ADCY9: variants seen among roughly 807,000 people sequenced by gnomAD.
ADCY9 encodes adenylate cyclase 9.
ADCY9 carries 50 observed loss-of-function variants against 101.5 expected under a neutral mutation model. The ratio of observed to expected loss-of-function variants is 0.49; its 90% CI spans 0.39 to 0.62. The LOEUF is 0.62. Ranked by LOEUF, ADCY9 falls within the 20% of genes least tolerant of loss-of-function variation. The probability of loss-of-function intolerance (pLI) is 0.00; values close to 1 mark genes in which losing one functional copy is unlikely to be tolerated. For missense variants in ADCY9, 1,662 were observed against 1,800.4 expected, an observed-to-expected ratio of 0.92 and a Z score of 1.39; for synonymous variants, 905 against 769.3, an observed-to-expected ratio of 1.18 and a Z score of -2.92.
At chr16:4,020,241 T>C (rs2056465958) in intron 2 of ADCY9, among the ~76,000 whole-genome samples, 1 of 152,240 alleles carries the variant, frequency 6.6e-6, no homozygotes, top group Non-Finnish European at 1.5e-5. Context: ...ATTTCAATTA[T>C]AATTTAAATT....
At chr16:4,113,350 G>C (rs1003904040) in intron 2 of ADCY9, among the ~76,000 whole-genome samples, 4 of 152,160 alleles carry the variant, frequency 2.6e-5, no homozygotes, top group South Asian at 2.1e-4. Context: ...AAAGGGCAGA[G>C]AGAAACATTT....
chr16:4,011,375 G>A (rs945638036), intron 2 of ADCY9, among the ~76,000 whole-genome samples: 2 of 152,182 alleles, frequency 1.3e-5, no homozygotes, highest in Admixed American at 1.3e-4. Flanking sequence ...GCCACGGGCA[G>A]CAGGGGGGCG....
At chr16:4,004,730 T>C (rs2056355664) in intron 3 of ADCY9, among the ~76,000 whole-genome samples, 1 of 152,196 alleles carries the variant, frequency 6.6e-6, no homozygotes, top group African/African-American at 2.4e-5. Flanking sequence ...AGATCGTGTA[T>C]GTTACAGCCA....
At chr16:4,013,717 G>C (rs2056419166) in intron 2 of ADCY9, among the ~76,000 whole-genome samples, 1 of 152,140 alleles carries the variant, frequency 6.6e-6, no homozygotes, top group Non-Finnish European at 1.5e-5. Context: ...ACTGTAATCA[G>C]CCAATAAGAA....
intron 2 of ADCY9, among the ~76,000 whole-genome samples, chr16:4,069,016 A>G (rs1320812056): frequency 1.3e-5 from 2 of 152,166 alleles, no homozygotes; most frequent in Admixed American, 1.3e-4. Flanking sequence ...ACATTTTTGT[A>G]CTTGTGCAAA....
At position 4,115,147 on chromosome 16, in the gene ADCY9, T is replaced by G; in HGVS notation, c.296A>C (p.Asn99Thr). Residue 99 changes from asparagine to threonine, a missense_variant, in exon 2 of 11, where the codon AAC becomes ACC. Around this residue, in one of 5 missense-constraint regions of ADCY9, gnomAD observed 422 missense variants for 392.0 expected, o/e 1.08. Transcript: ENST00000294016. This position sits in a 1 kb window ranked among gnomAD's most constrained non-coding sequence, Gnocchi z 6.2. The part of the protein sequence containing the change: ...RWWDPKFDSV[N>T]LEEACLERCF... ...GCGCTCCAGGCAGGCCTCCTCCAGG[T>G]TCACCGAGTCGAACTTGGGGTCCCA... 2 of 1,613,796 alleles carry G rather than the reference T, an allele frequency of 1.2e-6. No individual in the cohort carries two copies. Among genetic ancestry groups the G allele is most frequent in the Non-Finnish European group, 1.7e-6 (2 of 1,180,012 alleles).
intron 4 of ADCY9, 22 bp downstream of exon 4, chr16:3,993,384 A>G (rs752890401): frequency 6.2e-7 from 1 of 1,611,476 alleles, no homozygotes; most frequent in South Asian, 1.1e-5. Context: ...ACTGACAGGA[A>G]CAACAGCCAT....
At chr16:3,994,519 G>A (rs943499671) in intron 3 of ADCY9, among the ~76,000 whole-genome samples, 11 of 152,118 alleles carry the variant, frequency 7.2e-5, no homozygotes, top group African/African-American at 1.2e-4. Context: ...ACAGTGTCAC[G>A]ATCTTGGCTC....
intron 2 of ADCY9, among the ~76,000 whole-genome samples, chr16:4,041,136 C>G (rs563648475): frequency 1.4e-4 from 21 of 152,286 alleles, no homozygotes; most frequent in Admixed American, 1.3e-3. Context: ...ATGGCATATT[C>G]TAGAAATAGA....
intron 2 of ADCY9, among the ~76,000 whole-genome samples, chr16:4,072,154 C>G (rs1044693868): frequency 2.6e-5 from 4 of 152,218 alleles, no homozygotes; most frequent in African/African-American, 9.6e-5. Context: ...GACCAAGGCA[C>G]TGCTGCTAAA....
Position 3,963,123 on chromosome 16 carries a change from TA to T in ADCY9, c.*2651del. 1.3e-5 allele frequency: 1 copy of T among 75,360 alleles called. No homozygotes were observed. The highest frequency in any genetic ancestry group is 3.7e-5 in the Non-Finnish European group (1 of 27,116). The allele number at this position is 75,360 out of a possible 1,614,324, so 4.7% of individuals were successfully genotyped here. ...ATATATATATATATATATATATATA[TA>T]TATATATATATATATATATGGATAT... is the stretch of plus-strand genomic sequence containing the variant. On this transcript the variant is annotated 3_prime_UTR_variant, in exon 11 of 11. Coordinates refer to ENST00000294016, the MANE Select transcript of ADCY9 (RefSeq NM_001116.4).
chr16:3,960,666 A>C (rs148949530), downstream of ADCY9, among the ~76,000 whole-genome samples: 1 of 152,188 alleles, frequency 6.6e-6, no homozygotes, highest in African/African-American at 2.4e-5. Flanking sequence ...AAAAAAAACA[A>C]TGAAGAATCC....
intron 2 of ADCY9, among the ~76,000 whole-genome samples, chr16:4,088,394 C>T (rs984042516): frequency 1.3e-5 from 2 of 151,926 alleles, no homozygotes; most frequent in African/African-American, 2.4e-5. Context: ...CAGGCTCAAG[C>T]GACCCTCCCA....
At chr16:4,098,174 G>T (rs1157681625) in intron 2 of ADCY9, among the ~76,000 whole-genome samples, 1 of 151,996 alleles carries the variant, frequency 6.6e-6, no homozygotes, top group Admixed American at 6.6e-5. Flanking sequence ...GCTGGGGGAG[G>T]ACTCCTCAGT....
intron 2 of ADCY9, among the ~76,000 whole-genome samples, chr16:4,048,152 G>A (rs2056678483): frequency 7.0e-6 from 1 of 143,218 alleles, no homozygotes; most frequent in Non-Finnish European, 1.5e-5. Context: ...GTGGGCTGGG[G>A]AACACAAACA....
chr16:4,110,749 T>C (rs539468966), intron 2 of ADCY9, among the ~76,000 whole-genome samples: 5 of 152,250 alleles, frequency 3.3e-5, no homozygotes, highest in African/African-American at 9.6e-5. Flanking sequence ...CAGACACTTC[T>C]AGGAAAAGGG....
chr16:3,983,703 A>G, intron 6 of ADCY9: 1 of 495,062 alleles, frequency 2.0e-6, no homozygotes, highest in Non-Finnish European at 3.6e-6. Context: ...CTGACGTAGG[A>G]GGGTCGCTGG....
intron 3 of ADCY9, among the ~76,000 whole-genome samples, chr16:4,001,840 C>G (rs767812554): frequency 1.3e-5 from 2 of 151,866 alleles, no homozygotes; most frequent in Non-Finnish European, 2.9e-5. Context: ...ACCTCCGCCT[C>G]CAGGTTCAAG....
At chr16:4,064,137 C>T (rs2056787674) in intron 2 of ADCY9, among the ~76,000 whole-genome samples, 2 of 152,048 alleles carry the variant, frequency 1.3e-5, no homozygotes, top group South Asian at 2.1e-4. Context: ...TTGTGTATAC[C>T]AGCAATGAAC....
Sources: allele counts gnomAD v4.1 joint callset (sites outside exome capture counted in the v4.1 genomes callset), GRCh38; gene constraint gnomAD v4.1.1; regional missense constraint gnomAD v4.1.1; non-coding constraint Gnocchi (gnomAD v3.1); transcripts MANE v1.5; gene names NCBI Gene and HGNC (gene_info 2026-07-23, HGNC 2026-07-21).